Variants in SLC37A3 observed in about 807,000 individuals in gnomAD.
The protein encoded by SLC37A3 is sugar phosphate exchanger 3.
SLC37A3 carries 51 observed loss-of-function variants against 67.1 expected under a neutral mutation model. The ratio of observed to expected loss-of-function variants is 0.76; its 90% CI spans 0.61 to 0.96. The LOEUF is 0.96. Among genes scored for constraint, SLC37A3 ranks in the 40% least tolerant of loss-of-function variants. The pLI is 0.00. For missense variants in SLC37A3, 508 were observed against 603.0 expected (o/e 0.84, Z 1.65); for synonymous variants, 214 against 231.4 (o/e 0.92, Z 0.68).
At chr7:140,355,522 G>T in intron 7 of SLC37A3, 146 bp downstream of exon 7, 1 of 729,896 alleles carries the variant, frequency 1.4e-6, no homozygotes, top group Non-Finnish European at 2.2e-6. Context: ...CCAGAAGTTT[G>T]TCTACTTTTA....
At chr7:140,339,079 T>C (rs1796253282) in intron 13 of SLC37A3, among the ~76,000 whole-genome samples, 1 of 152,116 alleles carries the variant, frequency 6.6e-6, no homozygotes, top group Non-Finnish European at 1.5e-5. Flanking sequence ...TGTAATGGTA[T>C]GATCACAGCT....
At chr7:140,376,980 G>C in intron 3 of SLC37A3, among the ~76,000 whole-genome samples, 1 of 132,150 alleles carries the variant, frequency 7.6e-6, no homozygotes, top group African/African-American at 3.0e-5. Flanking sequence ...GTCTCACTCT[G>C]TCACCCAAGC....
At chr7:140,381,687 T>C (rs2129810517) in intron 2 of SLC37A3, among the ~76,000 whole-genome samples, 1 of 152,164 alleles carries the variant, frequency 6.6e-6, no homozygotes, top group East Asian at 1.9e-4. Context: ...AGAGAACCAC[T>C]TAAGATCACC....
At chr7:140,360,678 G>A (rs1478661335) in intron 5 of SLC37A3, among the ~76,000 whole-genome samples, 1 of 149,488 alleles carries the variant, frequency 6.7e-6, no homozygotes, top group Non-Finnish European at 1.5e-5. Flanking sequence ...AGGTTGCAGT[G>A]AGCCAAGATC....
chr7:140,339,100 T>TC (rs1796254540), intron 13 of SLC37A3, among the ~76,000 whole-genome samples: 1 of 152,048 alleles, frequency 6.6e-6, no homozygotes, highest in African/African-American at 2.4e-5. Flanking sequence ...CACTGTAACT[T>TC]CCCTTCATTT....
chr7:140,388,340 G>C (rs1473724932), intron 1 of SLC37A3, among the ~76,000 whole-genome samples: 1 of 151,228 alleles, frequency 6.6e-6, no homozygotes, highest in Non-Finnish European at 1.5e-5. Context: ...GGCTGAGATG[G>C]GAGAATCACT....
intron 1 of SLC37A3, among the ~76,000 whole-genome samples, chr7:140,388,932 G>C (rs1459880779): frequency 6.6e-6 from 1 of 152,028 alleles, no homozygotes; most frequent in East Asian, 1.9e-4. Context: ...CATTAAAAAT[G>C]GTAATTTCCA....
intron 5 of SLC37A3, among the ~76,000 whole-genome samples, chr7:140,362,359 A>G (rs1585305643): frequency 1.6e-5 from 2 of 128,692 alleles, no homozygotes; most frequent in Admixed American, 1.5e-4. Flanking sequence ...TCCGGCAGCC[A>G]CCCCGTCTGG....
chr7:140,350,034 G>C (rs540777161), intron 9 of SLC37A3, among the ~76,000 whole-genome samples: 3 of 152,192 alleles, frequency 2.0e-5, no homozygotes, highest in Non-Finnish European at 4.4e-5. Context: ...TCTCAGCTTG[G>C]AGGCACTGAC....
intron 2 of SLC37A3, 25 bp from the exon 3 acceptor site, chr7:140,380,415 G>C (rs1439645321): frequency 2.0e-6 from 3 of 1,476,654 alleles, no homozygotes; most frequent in Non-Finnish European, 2.8e-6. Flanking sequence ...GAATACAGAT[G>C]AATGAATAGC....
chr7:140,372,729 G>A (rs1167652085), intron 3 of SLC37A3, among the ~76,000 whole-genome samples: 7 of 151,858 alleles, frequency 4.6e-5, no homozygotes, highest in Non-Finnish European at 8.8e-5. Flanking sequence ...CACGTGTGGT[G>A]GTGGGCGCCT....
chr7:140,341,892 T>C (rs1796374994), intron 13 of SLC37A3, among the ~76,000 whole-genome samples: 2 of 152,262 alleles, frequency 1.3e-5, no homozygotes, highest in South Asian at 4.1e-4. Flanking sequence ...TCTGAACTGA[T>C]GGCTGGGAGC....
chr7:140,345,714 T>G (rs912936727), intron 11 of SLC37A3, among the ~76,000 whole-genome samples, 155 bp downstream of exon 11: 5 of 152,124 alleles, frequency 3.3e-5, no homozygotes, highest in African/African-American at 1.2e-4. Context: ...ATGACAGGTT[T>G]CCCAGGCATT....
At chr7:140,350,347 CAG>C (rs1390761153) in intron 9 of SLC37A3, among the ~76,000 whole-genome samples, 1 of 152,138 alleles carries the variant, frequency 6.6e-6, no homozygotes, top group Non-Finnish European at 1.5e-5. Flanking sequence ...AACATCAAGA[CAG>C]AAAAACTGCA....
At chr7:140,387,481 G>A (rs902371909) in intron 1 of SLC37A3, among the ~76,000 whole-genome samples, 1 of 150,102 alleles carries the variant, frequency 6.7e-6, no homozygotes, top group Non-Finnish European at 1.5e-5. Context: ...CGGGCGTGGT[G>A]ATGCACGCCT....
chr7:140,387,774 TAC>T (rs1274405320), intron 1 of SLC37A3, among the ~76,000 whole-genome samples: 2 of 66,720 alleles, frequency 3.0e-5, no homozygotes, highest in East Asian at 4.8e-4. Flanking sequence ...ATATATATTA[TAC>T]ATAAATATAA....
chr7:140,375,275 G>A (rs1797989553), intron 3 of SLC37A3, among the ~76,000 whole-genome samples: 1 of 151,442 alleles, frequency 6.6e-6, no homozygotes, highest in Non-Finnish European at 1.5e-5. Context: ...TCAAGTTCGA[G>A]ACCAGCCTGG....
At chr7:140,345,387 GAC>G (rs1426133518) in intron 11 of SLC37A3, 124 bp from the exon 12 acceptor site, 5 of 698,140 alleles carry the variant, frequency 7.2e-6, no homozygotes, top group Non-Finnish European at 1.3e-5. Flanking sequence ...ACAACAAAGA[GAC>G]ACAACTCTCT....
chr7:140,351,559 A>G (rs1796802406), intron 8 of SLC37A3, 108 bp from the exon 9 acceptor site: 1 of 1,208,976 alleles, frequency 8.3e-7, no homozygotes, highest in Non-Finnish European at 1.1e-6. Flanking sequence ...CATTTTACAG[A>G]AGCAGCAACG....
Sources: allele counts gnomAD v4.1 joint callset (sites outside exome capture counted in the v4.1 genomes callset), GRCh38; gene constraint gnomAD v4.1.1; transcripts MANE v1.5; gene names NCBI Gene and HGNC (gene_info 2026-07-23, HGNC 2026-07-21).